The following ACSM1 variants were observed in gnomAD, a reference collection of about 807,000 sequenced individuals.
The protein encoded by ACSM1 is acyl-CoA synthetase medium chain family member 1.
ACSM1 carries 79 observed loss-of-function variants against 75.8 expected under a neutral mutation model. That is an observed-to-expected ratio of 1.04 (90% CI 0.87 to 1.26). The LOEUF is 1.26. Among genes scored for constraint, ACSM1 ranks in the 50% most tolerant of loss-of-function variants. ACSM1 has a pLI of 0.00. For missense variants in ACSM1, 676 were observed against 720.1 expected, an observed-to-expected ratio of 0.94 and a Z score of 0.70; for synonymous variants, 279 against 265.8, an observed-to-expected ratio of 1.05 and a Z score of -0.48.
chr16:20,653,578 GC>G (rs2018772333), intron 7 of ACSM1, among the ~76,000 whole-genome samples: 1 of 152,096 alleles, frequency 6.6e-6, no homozygotes, highest in South Asian at 2.1e-4. Context: ...AAATCAATGT[GC>G]AAAAATCACA....
intron 3 of ACSM1, among the ~76,000 whole-genome samples, chr16:20,683,990 A>G (rs535804159): frequency 2.4e-4 from 36 of 152,256 alleles, no homozygotes; most frequent in African/African-American, 8.4e-4. Flanking sequence ...TGAATCACCT[A>G]TTTTATTTGT....
chr16:20,643,620 G>C (rs910679817), intron 7 of ACSM1, among the ~76,000 whole-genome samples: 1 of 152,218 alleles, frequency 6.6e-6, no homozygotes, highest in African/African-American at 2.4e-5. Context: ...TGTGAAGAGT[G>C]AAAGCCCAAA....
intron 4 of ACSM1, among the ~76,000 whole-genome samples, chr16:20,678,425 C>T (rs2079357975): frequency 6.6e-6 from 1 of 152,198 alleles, no homozygotes; most frequent in African/African-American, 2.4e-5. Flanking sequence ...ATGACAAGGG[C>T]TTACTCCACC....
At chr16:20,672,348 T>TA (rs2019961163) in intron 4 of ACSM1, among the ~76,000 whole-genome samples, 1 of 146,554 alleles carries the variant, frequency 6.8e-6, no homozygotes, top group Non-Finnish European at 1.5e-5. Context: ...CTCGGGAGGC[T>TA]GAGCCAGGAG....
chr16:20,695,805 T>A (rs1344146054), intron 1 of ACSM1, among the ~76,000 whole-genome samples: 1 of 152,166 alleles, frequency 6.6e-6, no homozygotes, highest in Non-Finnish European at 1.5e-5. Flanking sequence ...ATGTTAAGCT[T>A]CATTTCTAAA....
chr16:20,629,670 C>A (rs1000568366), intron 10 of ACSM1, among the ~76,000 whole-genome samples: 7 of 152,180 alleles, frequency 4.6e-5, no homozygotes, highest in African/African-American at 1.7e-4. Context: ...CAAATATACA[C>A]TATCTACAAG....
At chr16:20,658,938 A>T (rs1051473517) in intron 7 of ACSM1, among the ~76,000 whole-genome samples, 4 of 152,202 alleles carry the variant, frequency 2.6e-5, no homozygotes, top group Admixed American at 1.3e-4. Flanking sequence ...GAATATGATG[A>T]TGTATGCAGT....
intron 7 of ACSM1, among the ~76,000 whole-genome samples, chr16:20,651,778 A>G (rs1484009638): frequency 6.6e-6 from 1 of 152,200 alleles, no homozygotes; most frequent in Non-Finnish European, 1.5e-5. Flanking sequence ...TGACTTAAGT[A>G]AAATCTTTAC....
At chr16:20,680,457 T>G (rs1014831460) in intron 4 of ACSM1, 1 of 152,250 alleles carries the variant, frequency 6.6e-6, no homozygotes, top group African/African-American at 2.4e-5. Context: ...CCTCATGCTA[T>G]GTACGTGGAG....
chr16:20,662,457 A>G (rs545232045), intron 6 of ACSM1, among the ~76,000 whole-genome samples: 4 of 152,318 alleles, frequency 2.6e-5, no homozygotes, highest in African/African-American at 9.6e-5. Context: ...CAGGTTATTT[A>G]GACTCTAAAA....
intron 7 of ACSM1, among the ~76,000 whole-genome samples, chr16:20,659,153 T>C (rs370825235): frequency 3.3e-5 from 5 of 152,146 alleles, no homozygotes; most frequent in Non-Finnish European, 5.9e-5. Flanking sequence ...GACTAAACCC[T>C]AAGCCTGACT....
intron 7 of ACSM1, among the ~76,000 whole-genome samples, chr16:20,653,386 G>C (rs1486188592): frequency 1.3e-5 from 2 of 152,168 alleles, no homozygotes; most frequent in East Asian, 3.8e-4. Context: ...TCAACATAGT[G>C]TTGGAAGTTC....
At chr16:20,655,983 T>C (rs1287380594) in intron 7 of ACSM1, among the ~76,000 whole-genome samples, 1 of 152,122 alleles carries the variant, frequency 6.6e-6, no homozygotes, top group East Asian at 1.9e-4. Context: ...ATGCAAGAAG[T>C]TTTTAAATTT....
chr16:20,640,298 T>C (rs2017970423), intron 8 of ACSM1, among the ~76,000 whole-genome samples, 163 bp downstream of exon 8: 1 of 152,206 alleles, frequency 6.6e-6, no homozygotes, highest in Non-Finnish European at 1.5e-5. Flanking sequence ...TCTTCCTTTT[T>C]CCCCAATATC....
intron 4 of ACSM1, among the ~76,000 whole-genome samples, chr16:20,673,032 C>T (rs234276): frequency 0.49 from 70,200 of 142,582 alleles, 19,785 homozygotes; most frequent in East Asian, 0.86. Context: ...ATATTATATA[C>T]ACTTACATGT....
intron 2 of ACSM1, among the ~76,000 whole-genome samples, chr16:20,688,106 C>G (rs1161646391): frequency 6.7e-6 from 1 of 149,796 alleles, no homozygotes; most frequent in Non-Finnish European, 1.5e-5. Context: ...AAAGAAAGAA[C>G]CAAACAATAT....
chr16:20,689,356 A>T (rs980066680), intron 2 of ACSM1, among the ~76,000 whole-genome samples: 1 of 152,160 alleles, frequency 6.6e-6, no homozygotes, highest in African/African-American at 2.4e-5. Flanking sequence ...CAAAAACTCA[A>T]GTAAACACAA....
intron 8 of ACSM1, 65 bp from the exon 9 acceptor site, chr16:20,637,516 A>G: frequency 7.7e-7 from 1 of 1,302,430 alleles, no homozygotes; most frequent in Admixed American, 1.7e-5. Flanking sequence ...AAGCAGTCAG[A>G]ATCATACACA....
At chr16:20,682,631 A>T (rs1163254094) in intron 3 of ACSM1, among the ~76,000 whole-genome samples, 168 bp from the exon 4 acceptor site, 5 of 152,180 alleles carry the variant, frequency 3.3e-5, no homozygotes, top group Non-Finnish European at 7.3e-5. Context: ...CCCTGTTTCA[A>T]ACCTACAGAA....
Sources: allele counts gnomAD v4.1 joint callset (sites outside exome capture counted in the v4.1 genomes callset), GRCh38; gene constraint gnomAD v4.1.1; transcripts MANE v1.5; gene names NCBI Gene and HGNC (gene_info 2026-07-23, HGNC 2026-07-21).